PCDHA3: variants seen among roughly 807,000 people sequenced by gnomAD.
The protein encoded by PCDHA3 is protocadherin alpha 3, also known as protocadherin alpha-3.
Under a neutral mutation model 62.2 loss-of-function variants are expected in PCDHA3, and 41 were observed. That is an observed-to-expected ratio of 0.66 (90% confidence interval 0.51 to 0.86). The LOEUF is 0.86. Ranked by LOEUF, PCDHA3 falls within the 40% of genes least tolerant of loss-of-function variation. The pLI is 0.00. For missense variants in PCDHA3, 1,304 were observed against 1,241.2 expected, an observed-to-expected ratio of 1.05 and a Z score of -0.76; for synonymous variants, 640 against 555.4, an observed-to-expected ratio of 1.15 and a Z score of -2.14.
chr5:140,808,743 C>T, intron 1 of PCDHA3: 1 of 1,612,100 alleles, frequency 6.2e-7, no homozygotes, highest in Middle Eastern at 2.1e-4. Context: ...AAGGTGTACG[C>T]GCTGCAGCCG....
intron 1 of PCDHA3, among the ~76,000 whole-genome samples, chr5:140,977,969 C>T (rs1554238945): frequency 6.6e-6 from 1 of 152,114 alleles, no homozygotes; most frequent in African/African-American, 2.4e-5. Context: ...AATCTCCGCC[C>T]ATGAAAACGC....
At chr5:140,820,372 TG>T (rs2150106732) in intron 1 of PCDHA3, among the ~76,000 whole-genome samples, 317 of 152,120 alleles carry the variant, frequency 2.1e-3, no homozygotes, top group African/African-American at 7.4e-3. Context: ...TTGCATTTTC[TG>T]GTAATTTCTT....
rs10569930 is a variant in PCDHA3, at chr5:140,925,641, TATAATAATAATA to T, written c.2395-53282_2395-53271del. On this transcript the variant is annotated intron_variant, in intron 1 of 3. Coordinates refer to ENST00000522353, the MANE Select transcript of PCDHA3 (RefSeq NM_018906.3). ...TGCACATGTACCCTAGAACTTAAAG[TATAATAATAATA>T]ATAATAATAATAATAATAATAATAA... Among the ~76,000 whole-genome samples the T allele has an allele frequency of 2.0e-4, 29 of 143,352 alleles. 1 individual carries two copies. Among genetic ancestry groups the T allele is most frequent in the Admixed American group, 7.0e-4 (10 of 14,330 alleles). 94.0% of individuals were successfully genotyped at this position (143,352 alleles called of 152,430 possible). A position where few individuals can be genotyped will look rare whatever the true frequency, so the allele number is the denominator to read the frequency against.
At chr5:140,894,947 A>G (rs1257936552) in intron 1 of PCDHA3, among the ~76,000 whole-genome samples, 1 of 152,178 alleles carries the variant, frequency 6.6e-6, no homozygotes, top group Non-Finnish European at 1.5e-5. Flanking sequence ...TTGTCATGAA[A>G]TGATAAAAAT....
At chr5:140,932,549 C>T (rs1222820851) in intron 1 of PCDHA3, among the ~76,000 whole-genome samples, 1 of 151,864 alleles carries the variant, frequency 6.6e-6, no homozygotes, top group African/African-American at 2.4e-5. Context: ...ATTTAACATA[C>T]ATTCCACAAG....
chr5:140,929,285 T>C, intron 1 of PCDHA3: 15 of 1,600,688 alleles, frequency 9.4e-6, no homozygotes, highest in Non-Finnish European at 1.3e-5. Flanking sequence ...TGTATTCAGA[T>C]TCGGAATAGG....
At chr5:140,867,473 G>A (rs2049977371) in intron 1 of PCDHA3, 1 of 151,968 alleles carries the variant, frequency 6.6e-6, no homozygotes, top group Non-Finnish European at 1.5e-5. Flanking sequence ...ACAACATTGG[G>A]AAAAGAGTAA....
At chr5:140,875,597 G>T in intron 1 of PCDHA3, 1 of 1,613,960 alleles carries the variant, frequency 6.2e-7, no homozygotes, top group African/African-American at 1.3e-5. Flanking sequence ...GCCAAACACG[G>T]CACCTTCGTG....
chr5:141,000,421 ATTTTTT>A (rs34755515), intron 3 of PCDHA3, among the ~76,000 whole-genome samples: 34 of 27,962 alleles, frequency 1.2e-3, no homozygotes, highest in East Asian at 9.9e-3. Context: ...ATATATATAT[ATTTTTT>A]TTTTTTTTTT....
intron 1 of PCDHA3, among the ~76,000 whole-genome samples, chr5:140,879,397 G>A (rs973374921): frequency 6.6e-6 from 1 of 152,188 alleles, no homozygotes; most frequent in Non-Finnish European, 1.5e-5. Context: ...AACAGTTTGT[G>A]TGTATTTGAG....
In PCDHA3 at chr5:140,883,374, T is replaced by G. The variant is rs1554177931; in HGVS notation, c.2394+79783T>G. The G allele has an allele frequency of 2.5e-6, 4 of 1,614,054 alleles. No individual in the cohort carries two copies. The African/African-American group carries it at 5.3e-5, about 22-fold the overall frequency. On this transcript the variant is annotated intron_variant, in intron 1 of 3. Transcript: ENST00000522353. ...GAAGACACTCAGCCTAGCGCCATTA[T>G]TGCCCTAATCAGTGTGTCCGATCGT...
At chr5:140,821,879 C>T (rs2150111587) in intron 1 of PCDHA3, 2 of 1,614,242 alleles carry the variant, frequency 1.2e-6, no homozygotes, top group Non-Finnish European at 1.7e-6. Flanking sequence ...TACTCGATCC[C>T]GGAGGAAGCC....
intron 1 of PCDHA3, chr5:140,829,291 C>T (rs1224318047): frequency 9.3e-6 from 15 of 1,614,130 alleles, no homozygotes; most frequent in Middle Eastern, 1.6e-4. Context: ...TGGTGTCCAC[C>T]TTCAAGAATT....
At chr5:140,968,288 C>G in intron 1 of PCDHA3, 2 of 1,613,976 alleles carry the variant, frequency 1.2e-6, no homozygotes, top group South Asian at 2.2e-5. Flanking sequence ...GACCTACTCC[C>G]TTCTGGAGAG....
intron 1 of PCDHA3, among the ~76,000 whole-genome samples, chr5:140,887,221 C>T (rs149306651): frequency 9.2e-5 from 14 of 151,858 alleles, no homozygotes; most frequent in Non-Finnish European, 1.3e-4. Flanking sequence ...CTCAGCCTCC[C>T]GAGTAGCTGA....
At chr5:140,937,198 C>T (rs2091402998) in intron 1 of PCDHA3, among the ~76,000 whole-genome samples, 1 of 151,908 alleles carries the variant, frequency 6.6e-6, no homozygotes, top group Non-Finnish European at 1.5e-5. Context: ...CCACCATGCC[C>T]GGCTAATTTT....
intron 1 of PCDHA3, chr5:140,966,951 C>T (rs781885198): frequency 6.2e-7 from 1 of 1,603,742 alleles, no homozygotes; most frequent in Non-Finnish European, 8.5e-7. Context: ...GGCAACGTGG[C>T]TCGCGCGCTG....
rs1396431858 is a variant in PCDHA3, at chr5:141,010,083, T to C, written c.*146T>C. The C allele has an allele frequency of 1.9e-6, 3 of 1,612,132 alleles. No homozygotes were observed. The African/African-American group carries it at 4.0e-5, about 22-fold the overall frequency. On this transcript the variant is annotated 3_prime_UTR_variant, in exon 4 of 4. Coordinates refer to ENST00000522353, the MANE Select transcript of PCDHA3 (RefSeq NM_018906.3). Reference sequence around the variant, plus strand: ...CTGCAGAAAGTTCCCTGTGTCTGTCTAGAACGCATTTAACAGGTTTTGTCG... The same window carrying C: ...CTGCAGAAAGTTCCCTGTGTCTGTCCAGAACGCATTTAACAGGTTTTGTCG...
intron 1 of PCDHA3, chr5:140,869,778 C>T (rs782226363): frequency 4.0e-5 from 65 of 1,612,804 alleles, no homozygotes; most frequent in Admixed American, 5.0e-5. Flanking sequence ...TTACTGGCAC[C>T]GTTCGGCTGT....
Sources: allele counts gnomAD v4.1 joint callset (sites outside exome capture counted in the v4.1 genomes callset), GRCh38; gene constraint gnomAD v4.1.1; transcripts MANE v1.5; gene names NCBI Gene and HGNC (gene_info 2026-07-23, HGNC 2026-07-21).